Variants in GSDME observed in about 807,000 individuals in gnomAD.
GSDME encodes the protein gasdermin E.
GSDME carries 44 observed loss-of-function variants against 47.5 expected under a neutral mutation model. The ratio of observed to expected loss-of-function variants is 0.93; its 90% CI spans 0.73 to 1.19. GSDME has a LOEUF of 1.19. GSDME is among the 50% of genes most tolerant of loss of function. The pLI, the probability that GSDME is intolerant of heterozygous loss-of-function variation, is 0.00. For synonymous variants in GSDME, 258 were observed against 252.8 expected (o/e 1.02, Z -0.20); for missense variants, 663 against 604.2 (o/e 1.10, Z -1.02).
At chr7:24,761,194 G>A (rs1047482546), upstream of GSDME, among the ~76,000 whole-genome samples, 2 of 152,216 alleles carry the variant, frequency 1.3e-5, no homozygotes, top group African/African-American at 4.8e-5. This position sits in a 1 kb window ranked among gnomAD's most constrained non-coding sequence, Gnocchi z 4.4. Flanking sequence ...GTCACTCAGT[G>A]GAATTTAGCT....
intron 9 of GSDME, among the ~76,000 whole-genome samples, chr7:24,700,556 T>C (rs566038013): frequency 2.0e-5 from 3 of 152,300 alleles, no homozygotes; most frequent in Admixed American, 6.5e-5. Flanking sequence ...GTGGTGACTA[T>C]CTTGAAAGTC....
At chr7:24,766,160 G>C in the GSDME span, among the ~76,000 whole-genome samples, 1 of 149,414 alleles carries the variant, frequency 6.7e-6, no homozygotes, top group South Asian at 2.2e-4. This position sits in a 1 kb window ranked among gnomAD's most constrained non-coding sequence, Gnocchi z 4.2. Context: ...GATTTCTATG[G>C]CCATGATATT....
intron 7 of GSDME, 26 bp from the exon 8 acceptor site, chr7:24,706,402 C>T (rs1454982279): frequency 1.9e-6 from 3 of 1,606,678 alleles, no homozygotes; most frequent in Admixed American, 3.4e-5. Context: ...GAAGAAGGGT[C>T]ATGACACAGC....
At chr7:24,707,309 G>A (rs907585888) in intron 7 of GSDME, 5 of 471,146 alleles carry the variant, frequency 1.1e-5, no homozygotes, top group Admixed American at 9.4e-5. Context: ...TAAAGCCTCA[G>A]CCTTAAGAAA....
chr7:24,710,329 C>G lies in GSDME; in HGVS notation c.757G>C (p.Val253Leu). The G allele has an allele frequency of 2.5e-6, 4 of 1,614,232 alleles. No individual in the cohort carries two copies. The highest frequency in any genetic ancestry group is 3.4e-6 in the Non-Finnish European group (4 of 1,180,036). ...GFENKKRIDS[V>L]YLDPLVFREF... is the part of the protein sequence containing the mutation. Reference sequence around the variant, plus strand: ...CGAAAGACCAGGGGGTCCAGGTAGACAGAGTCAATTCTCTTCTTGTTCTCG... The same window carrying G: ...CGAAAGACCAGGGGGTCCAGGTAGAGAGAGTCAATTCTCTTCTTGTTCTCG... Residue 253 changes from valine to leucine, a missense_variant, in exon 6 of 10, where the codon GTC becomes CTC. Coordinates refer to ENST00000645220, the MANE Select transcript of GSDME (RefSeq NM_001127453.2).
the GSDME span, among the ~76,000 whole-genome samples, chr7:24,780,607 G>T: frequency 1.3e-5 from 2 of 152,296 alleles, no homozygotes; most frequent in African/African-American, 4.8e-5. The surrounding 1 kb of genome is among the most constrained non-coding windows in gnomAD (Gnocchi z 4.1). Flanking sequence ...CAACTTGAAT[G>T]TCATGTCTTC....
In GSDME at chr7:24,745,806, G is replaced by A. The variant is rs758022898; in HGVS notation, c.212-1052C>T. On this transcript the variant is annotated intron_variant, in intron 2 of 9. Transcript: ENST00000645220. This position sits in a 1 kb window ranked among gnomAD's most constrained non-coding sequence, Gnocchi z 4.4. ...GTGAGCAATGATCATGCCACTGCAC[G>A]CCAGCCTGGGTGACAGAGCAACACC... Among the ~76,000 whole-genome samples the A allele has an allele frequency of 3.3e-5, 5 of 151,982 alleles. No homozygotes were observed. The highest frequency in any genetic ancestry group is 2.6e-4 in the Admixed American group (4 of 15,244).
the GSDME span, among the ~76,000 whole-genome samples, chr7:24,765,678 C>G: frequency 6.6e-6 from 1 of 152,224 alleles, no homozygotes; most frequent in Non-Finnish European, 1.5e-5. Flanking sequence ...CTGCCTGAGG[C>G]AAGAATCATT....
Position 24,744,072 on chromosome 7 carries a change from A to G in GSDME, c.404+490T>C, listed in dbSNP as rs1262060891. 4.5e-6 allele frequency: 1 copy of G among 221,008 alleles called. No homozygotes were observed. The highest frequency in any genetic ancestry group is 2.3e-5 in the African/African-American group (1 of 42,732). The allele number at this position is 221,008 out of a possible 1,614,324, so 13.7% of individuals were successfully genotyped here. ...TAATGATGAGCTATAGTGTGGTAAGATGTATTTACCGAAAGCCAAACAATG... is the reference window on the plus strand; with the variant it reads ...TAATGATGAGCTATAGTGTGGTAAGGTGTATTTACCGAAAGCCAAACAATG... On this transcript the variant is annotated intron_variant, in intron 3 of 9. Coordinates refer to ENST00000645220, the MANE Select transcript of GSDME (RefSeq NM_001127453.2). The surrounding 1 kb of genome is among the most constrained non-coding windows in gnomAD (Gnocchi z 4.5).
intron 3 of GSDME, among the ~76,000 whole-genome samples, chr7:24,719,423 T>C (rs186533667): frequency 3.7e-4 from 57 of 152,204 alleles, no homozygotes; most frequent in African/African-American, 1.2e-3. Context: ...GCCGGGCCTC[T>C]GGGGGCCAGG....
upstream of GSDME, among the ~76,000 whole-genome samples, chr7:24,760,593 A>G (rs557086508): frequency 1.3e-5 from 2 of 152,260 alleles, no homozygotes; most frequent in Non-Finnish European, 2.9e-5. The surrounding 1 kb of genome is among the most constrained non-coding windows in gnomAD (Gnocchi z 4.2). Context: ...CTTTTCAGCT[A>G]AAGTTGCCTT....
Position 24,757,044 on chromosome 7 carries a change from G to T in GSDME, c.-20+352C>A, listed in dbSNP as rs965930669. On this transcript the variant is annotated intron_variant, in intron 1 of 9. Transcript: ENST00000645220. This position sits in a 1 kb window ranked among gnomAD's most constrained non-coding sequence, Gnocchi z 5.9. ...CGAATGGGGAGGGGGGGTTTGGGGGGTTGGGAGAACGAAAATACCAGCTGC... is the reference window on the plus strand; with the variant it reads ...CGAATGGGGAGGGGGGGTTTGGGGGTTTGGGAGAACGAAAATACCAGCTGC... 6.6e-6 allele frequency among the ~76,000 whole-genome samples: 1 copy of T among 152,132 alleles called. No homozygotes were observed. Among genetic ancestry groups the T allele is most frequent in the African/African-American group, 2.4e-5 (1 of 41,440 alleles).
In GSDME at chr7:24,712,420, C is replaced by T. The variant is rs1190019038; in HGVS notation, c.698-2032G>A. ...ACCACACACCACACTCTCACCTTCA[C>T]CCATGCATAGCTCCCTGAGGGCGCC... On this transcript the variant is annotated intron_variant, in intron 5 of 9. Transcript: ENST00000645220. The surrounding 1 kb of genome is among the most constrained non-coding windows in gnomAD (Gnocchi z 4.4). 6.6e-6 allele frequency among the ~76,000 whole-genome samples: 1 copy of T among 152,240 alleles called. No individual in the cohort carries two copies. The highest frequency in any genetic ancestry group is 1.5e-5 in the Non-Finnish European group (1 of 68,044).
chr7:24,704,546 CATATAA>C (rs1201796223), intron 8 of GSDME: 1 of 152,146 alleles, frequency 6.6e-6, no homozygotes, highest in East Asian at 1.9e-4. Context: ...CTGGGACTGA[CATATAA>C]ATGAGATCAC....
chr7:24,715,925 CCTT>C (rs1434968401), intron 5 of GSDME, among the ~76,000 whole-genome samples: 3 of 152,344 alleles, frequency 2.0e-5, no homozygotes, highest in Non-Finnish European at 2.9e-5. Flanking sequence ...TCTGTGCACT[CCTT>C]CTGTGCCTCG....
intron 8 of GSDME, 128 bp downstream of exon 8, chr7:24,706,056 C>G: frequency 8.4e-7 from 1 of 1,187,622 alleles, no homozygotes; most frequent in East Asian, 2.5e-5. Context: ...CTCCCTGTAC[C>G]AGAAGGGAAG....
At position 24,714,660 on chromosome 7, in the gene GSDME, G is replaced by T. The variant is rs979907983; in HGVS notation, c.697+2594C>A. ...GGAAGCTGGAAAAGATAAAAGCCTT[G>T]AAATTGAAATGCAAACAGGAGAGCC... is the stretch of plus-strand genomic sequence containing the variant. On this transcript the variant is annotated intron_variant, in intron 5 of 9. Transcript: ENST00000645220. The surrounding 1 kb of genome is among the most constrained non-coding windows in gnomAD (Gnocchi z 5.0). Among the ~76,000 whole-genome samples, 3 of 152,172 alleles carry T rather than the reference G, an allele frequency of 2.0e-5. No individual in the cohort carries two copies. Among genetic ancestry groups the T allele is most frequent in the Non-Finnish European group, 4.4e-5 (3 of 68,038 alleles).
rs1323845176 is a variant in GSDME at position 24,721,380 on chromosome 7, G to A, written c.405-2162C>T. Among the ~76,000 whole-genome samples the A allele has an allele frequency of 6.6e-6, 1 of 152,168 alleles. No individual in the cohort carries two copies. On this transcript the variant is annotated intron_variant, in intron 3 of 9. Coordinates refer to ENST00000645220, the MANE Select transcript of GSDME (RefSeq NM_001127453.2). This position sits in a 1 kb window ranked among gnomAD's most constrained non-coding sequence, Gnocchi z 4.1. ...CATTGATGACAACCACAAAGCTGCC[G>A]AGAGACTCCATTTCCAGGAAGGAAC...
At chr7:24,774,649 C>T in the GSDME span, among the ~76,000 whole-genome samples, 1 of 152,112 alleles carries the variant, frequency 6.6e-6, no homozygotes, top group Admixed American at 6.5e-5. Context: ...TCTCCTGCCT[C>T]AGCTTCCTGA....
Sources: gnomAD v4.1 joint callset for allele counts (sites outside exome capture counted in the v4.1 genomes callset) on GRCh38, gnomAD v4.1.1 for gene constraint, Gnocchi (gnomAD v3.1) non-coding constraint, MANE v1.5 for transcripts, NCBI Gene and HGNC (gene_info 2026-07-23, HGNC 2026-07-21) for gene names.